POLR3E: variants seen among roughly 807,000 people sequenced by gnomAD.
POLR3E encodes DNA-directed RNA polymerase III subunit RPC5.
In POLR3E, 41 loss-of-function variants were observed where a neutral mutation model predicts 96.6. The observed-to-expected ratio is 0.42, with a 90% CI of 0.33 to 0.55. The LOEUF is 0.55. Among genes scored for constraint, POLR3E ranks in the 20% least tolerant of loss-of-function variants. The pLI, the probability that POLR3E is intolerant of heterozygous loss-of-function variation, is 0.06. For missense variants in POLR3E, 849 were observed against 952.1 expected, an observed-to-expected ratio of 0.89 and a Z score of 1.43; for synonymous variants, 396 against 383.6, an observed-to-expected ratio of 1.03 and a Z score of -0.38.
At chr16:22,309,145 A>C (rs2048193225) in intron 5 of POLR3E, 105 bp downstream of exon 5, 3 of 774,382 alleles carry the variant, frequency 3.9e-6, no homozygotes, top group Non-Finnish European at 6.4e-6. Context: ...TGGGCTCCCC[A>C]CCAGTGTCCC....
At chr16:22,303,198 A>T (rs930825646) in intron 2 of POLR3E, among the ~76,000 whole-genome samples, 194 bp downstream of exon 2, 8 of 151,766 alleles carry the variant, frequency 5.3e-5, no homozygotes, top group Non-Finnish European at 8.8e-5. Flanking sequence ...CAGGTCTCTG[A>T]TCTGGCATCA....
intron 4 of POLR3E, 191 bp downstream of exon 4, chr16:22,308,416 G>A: frequency 5.1e-6 from 3 of 587,706 alleles, no homozygotes; most frequent in South Asian, 1.9e-5. Context: ...GGCCAGGGAC[G>A]CATGAGGCTG....
chr16:22,307,104 T>C (rs2048149371), intron 3 of POLR3E, among the ~76,000 whole-genome samples: 1 of 152,178 alleles, frequency 6.6e-6, no homozygotes, highest in Non-Finnish European at 1.5e-5. Flanking sequence ...TCGGCTCTGT[T>C]TGCCTCCTCC....
intron 17 of POLR3E, 64 bp from the exon 18 acceptor site, chr16:22,325,697 C>T: frequency 6.7e-7 from 1 of 1,491,662 alleles, no homozygotes; most frequent in Non-Finnish European, 8.9e-7. Flanking sequence ...CCCGCGGTCC[C>T]CTGCTGGGCT....
intron 14 of POLR3E, 105 bp downstream of exon 14, chr16:22,323,036 G>C (rs992575018): frequency 1.4e-6 from 1 of 734,710 alleles, no homozygotes; most frequent in African/African-American, 1.8e-5. Flanking sequence ...CCAGGTGGAG[G>C]CGGGTGTGTG....
intron 19 of POLR3E, chr16:22,331,696 G>A (rs55919364): frequency 0.013 from 2,208 of 164,334 alleles, 61 homozygotes; most frequent in African/African-American, 0.05. Flanking sequence ...TTAGATTGTC[G>A]CTTCACCTGC....
intron 13 of POLR3E, among the ~76,000 whole-genome samples, chr16:22,321,801 C>A (rs573864838): frequency 6.6e-6 from 1 of 152,220 alleles, no homozygotes; most frequent in Non-Finnish European, 1.5e-5. Context: ...GGGCATTTCA[C>A]CTGCCCCGGC....
chr16:22,313,683 A>G lies in POLR3E; in HGVS notation c.428A>G (p.Asp143Gly). The change falls in exon 7 of 21, where the codon GAT becomes GGT. Residue 143 changes from aspartate (D) to glycine (G), a missense_variant. Coordinates refer to ENST00000299853, the MANE Select transcript of POLR3E (RefSeq NM_018119.4). The surrounding 1 kb of genome is among the most constrained non-coding windows in gnomAD (Gnocchi z 4.1). ...LQLRPSFSYL[D>G]KADAKHRERE... ...CTGCGGCCCAGCTTCTCCTACCTGG[A>G]TAAGGCTGACGCCAAGCACCGGGAG... 6.2e-7 allele frequency: 1 copy of G among 1,613,892 alleles called. No homozygotes were observed. Among genetic ancestry groups the G allele is most frequent in the Non-Finnish European group, 8.5e-7 (1 of 1,179,946 alleles).
chr16:22,329,800 T>C (rs1382903194), intron 19 of POLR3E, among the ~76,000 whole-genome samples: 2 of 152,206 alleles, frequency 1.3e-5, no homozygotes, highest in African/African-American at 4.8e-5. Flanking sequence ...CTTTTATTAC[T>C]ACTTTTTTAA....
rs370729370 is a variant in POLR3E, at chr16:22,301,803, G to A, written c.-38-1128G>A. Among the ~76,000 whole-genome samples the A allele has an allele frequency of 8.9e-4, 135 of 151,054 alleles. 3 individuals carry two copies. In the South Asian group the frequency reaches 0.024, roughly 27 times the overall value. On this transcript the variant is annotated intron_variant, in intron 1 of 20. Coordinates refer to ENST00000299853, the MANE Select transcript of POLR3E (RefSeq NM_018119.4). ...TAGCCGGGCCTGGTGGTGCATGCCT[G>A]TAATCCCAGCTACTTGGGAGGCTAA...
Position 22,324,632 on chromosome 16 carries a change from C to T in POLR3E, c.1258C>T (p.His420Tyr). 1.2e-6 allele frequency: 2 copies of T among 1,613,904 alleles called. No homozygotes were observed. Among genetic ancestry groups the T allele is most frequent in the East Asian group, 2.2e-5 (1 of 44,772 alleles). ...GCACCCGGATGTGGTCCAGCGGCAG[C>T]ACATGCTGTGGACGGGTATCCAGGC... is the stretch of plus-strand genomic sequence containing the variant. ...KKHPDVVQRQHMLWTGIQAKL... is the reference protein window; with the variant it reads ...KKHPDVVQRQYMLWTGIQAKL... The change falls in exon 16 of 21, where the codon CAC (histidine) becomes TAC (tyrosine). Residue 420 changes from histidine (H) to tyrosine (Y), a missense_variant. Physicochemically the swap from His to Tyr is moderately conservative, Grantham distance 83. Coordinates refer to ENST00000299853, the MANE Select transcript of POLR3E (RefSeq NM_018119.4).
chr16:22,329,364 T>C (rs992186364), intron 19 of POLR3E, among the ~76,000 whole-genome samples: 3 of 152,070 alleles, frequency 2.0e-5, no homozygotes, highest in Non-Finnish European at 4.4e-5. Context: ...TGCCCAGAAA[T>C]GTGAGTGGAA....
At chr16:22,315,960 C>T (rs1262560092) in intron 9 of POLR3E, among the ~76,000 whole-genome samples, 2 of 152,260 alleles carry the variant, frequency 1.3e-5, no homozygotes, top group East Asian at 1.9e-4. Flanking sequence ...GAGCCACGAC[C>T]ACCTGGCCCT....
At chr16:22,308,878 C>T in intron 4 of POLR3E, 47 bp from the exon 5 acceptor site, 2 of 1,318,144 alleles carry the variant, frequency 1.5e-6, no homozygotes, top group Non-Finnish European at 2.2e-6. Context: ...CTTGAGGAGC[C>T]ATGCCTTGGG....
intron 10 of POLR3E, 129 bp downstream of exon 10, chr16:22,316,815 G>A (rs1240454415): frequency 2.0e-6 from 2 of 981,752 alleles, no homozygotes; most frequent in African/African-American, 3.2e-5. Context: ...GTCCCCTGGA[G>A]AAGGCCAGGA....
At position 22,326,041 on chromosome 16, in the gene POLR3E, C is replaced by T. The variant is rs371802599; in HGVS notation, c.1629C>T (p.Asp543=). Residue 543 remains aspartate, a synonymous_variant, in exon 18 of 21, where the codon GAC becomes GAT. Coordinates refer to ENST00000299853, the MANE Select transcript of POLR3E (RefSeq NM_018119.4). The part of the protein sequence containing the change: ...GLPLGRAAGT[D]SFNGHPPQGC... ...CTCTCGGGCGGGCTGCGGGCACAGA[C>T]AGCTTCAACGGGCACCCGCCCCAGG... The T allele has an allele frequency of 3.1e-6, 5 of 1,605,012 alleles. No homozygotes were observed. In the African/African-American group the frequency reaches 4.0e-5, roughly 13 times the overall value.
chr16:22,298,798 TTAAATA>T (rs1302972699), intron 1 of POLR3E, among the ~76,000 whole-genome samples: 2 of 152,226 alleles, frequency 1.3e-5, no homozygotes, highest in African/African-American at 2.4e-5. Context: ...AATGAGAAGA[TTAAATA>T]TAAAGTATTC....
intron 19 of POLR3E, among the ~76,000 whole-genome samples, chr16:22,330,781 T>A (rs916454526): frequency 2.6e-5 from 4 of 151,352 alleles, no homozygotes; most frequent in Non-Finnish European, 5.9e-5. Context: ...AAAGGATACT[T>A]CATGTAGCAG....
intron 6 of POLR3E, 117 bp downstream of exon 6, chr16:22,309,627 G>C (rs540730107): frequency 1.9e-5 from 15 of 791,736 alleles, no homozygotes; most frequent in Non-Finnish European, 3.1e-5. Flanking sequence ...AGACACCTGT[G>C]GGGGCCGGGC....
Sources: gnomAD v4.1 joint callset for allele counts (sites outside exome capture counted in the v4.1 genomes callset) on GRCh38, gnomAD v4.1.1 for gene constraint, Gnocchi (gnomAD v3.1) non-coding constraint, MANE v1.5 for transcripts, NCBI Gene and HGNC (gene_info 2026-07-23, HGNC 2026-07-21) for gene names.